Variants in PRMT7 observed in about 807,000 individuals in gnomAD.
PRMT7 encodes the protein protein arginine methyltransferase 7, also known as protein arginine N-methyltransferase 7.
In PRMT7, 75 loss-of-function variants were observed where a neutral mutation model predicts 85.4. The ratio of observed to expected loss-of-function variants is 0.88; its 90% confidence interval spans 0.73 to 1.06. The LOEUF (loss-of-function observed/expected upper bound fraction) is 1.06. Ranked by LOEUF, PRMT7 falls within the 50% of genes least tolerant of loss-of-function variation. The probability of loss-of-function intolerance (pLI) is 0.00; values close to 1 mark genes in which losing one functional copy is unlikely to be tolerated. For synonymous variants in PRMT7, 397 were observed against 359.5 expected, an observed-to-expected ratio of 1.10 and a Z score of -1.18; for missense variants, 868 against 915.2, an observed-to-expected ratio of 0.95 and a Z score of 0.67.
At chr16:68,347,070 G>A (rs746937373) in intron 11 of PRMT7, 141 bp from the exon 12 acceptor site, 1 of 683,798 alleles carries the variant, frequency 1.5e-6, no homozygotes, top group Non-Finnish European at 2.5e-6. Flanking sequence ...GGCTGGGGGT[G>A]GTTACTGCAT....
At chr16:68,322,302 C>T (rs1355432476) in intron 4 of PRMT7, 6 of 378,302 alleles carry the variant, frequency 1.6e-5, no homozygotes, top group South Asian at 5.8e-5. Context: ...TGGGCTTAAG[C>T]GATCCCCCAA....
chr16:68,314,948 A>C (rs1045982428), intron 2 of PRMT7, among the ~76,000 whole-genome samples: 9 of 152,152 alleles, frequency 5.9e-5, no homozygotes, highest in South Asian at 4.1e-4. Flanking sequence ...TGAATAGATA[A>C]GAAGTAATCA....
At chr16:68,335,543 C>A (rs1036873926) in intron 6 of PRMT7, among the ~76,000 whole-genome samples, 2 of 150,954 alleles carry the variant, frequency 1.3e-5, no homozygotes, top group African/African-American at 2.4e-5. Context: ...AGCTCCTCCA[C>A]GTGATACTGT....
chr16:68,356,888 TTC>T, intron 18 of PRMT7, 91 bp downstream of exon 18: 1 of 1,414,562 alleles, frequency 7.1e-7, no homozygotes, highest in Non-Finnish European at 9.7e-7. Context: ...CTCTGGGTGT[TTC>T]TGTCACAAGT....
chr16:68,356,728 A>G lies in PRMT7; in HGVS notation c.1839A>G (p.Leu613=), dbSNP rs1256959971. ...RRPGQSHAAV[L]WMEYHLTPEC... ...CCGGGCAGAGCCACGCAGCGGTGCT[A>G]TGGATGGAGTACCACCTGACCCCGG... Residue 613 remains leucine (L), a synonymous_variant, in exon 18 of 19, where the codon CTA becomes CTG. Coordinates refer to ENST00000441236, the MANE Select transcript of PRMT7 (RefSeq NM_019023.5). The G allele has an allele frequency of 5.6e-6, 9 of 1,611,746 alleles. No individual in the cohort carries two copies. The highest frequency in any genetic ancestry group is 2.7e-5 in the African/African-American group (2 of 74,864).
chr16:68,339,511 CA>C lies in PRMT7; in HGVS notation c.695del (p.Gln232ArgfsTer19). The C allele has an allele frequency of 6.2e-7, 1 of 1,614,158 alleles. No homozygotes were observed. Among genetic ancestry groups the C allele is most frequent in the Non-Finnish European group, 8.5e-7 (1 of 1,180,040 alleles). The part of the protein sequence containing the change: ...APSVCDIQLN[Q>X]VSPADFTVLS... ...CTCTGTCTGTGACATTCAGCTGAAC[CA>C]GGTGTCACCAGCCGACTTTACAGTC... On this transcript the variant is annotated frameshift_variant, in exon 8 of 19. Transcript: ENST00000441236. LOFTEE classifies it high-confidence loss of function.
chr16:68,341,655 C>T (rs187645111), intron 9 of PRMT7, among the ~76,000 whole-genome samples: 2 of 152,238 alleles, frequency 1.3e-5, no homozygotes, highest in Admixed American at 1.3e-4. Flanking sequence ...GTGACCTGCC[C>T]CACCGGCCTC....
At chr16:68,321,990 C>T (rs1211977542) in intron 4 of PRMT7, among the ~76,000 whole-genome samples, 2 of 151,438 alleles carry the variant, frequency 1.3e-5, no homozygotes, top group African/African-American at 4.9e-5. Context: ...CTCTGTCACT[C>T]AGGCTAGAGT....
chr16:68,328,209 C>A, intron 5 of PRMT7: 1 of 244,818 alleles, frequency 4.1e-6, no homozygotes, highest in Non-Finnish European at 9.0e-6. Flanking sequence ...CGCTCTCATG[C>A]ACTTTGATGT....
intron 5 of PRMT7, 145 bp from the exon 6 acceptor site, chr16:68,328,921 T>C: frequency 5.3e-6 from 3 of 567,014 alleles, no homozygotes; most frequent in Non-Finnish European, 9.4e-6. Flanking sequence ...ATCTCAGCCC[T>C]TTTTCATGAT....
At chr16:68,355,310 G>C (rs2088182606) in intron 16 of PRMT7, 1 of 156,598 alleles carries the variant, frequency 6.4e-6, no homozygotes, top group Non-Finnish European at 1.4e-5. Flanking sequence ...CTGGATGCAG[G>C]TGCCCCCAGC....
At chr16:68,332,909 A>G (rs960873490) in intron 6 of PRMT7, among the ~76,000 whole-genome samples, 1 of 152,268 alleles carries the variant, frequency 6.6e-6, no homozygotes, top group Admixed American at 6.5e-5. Flanking sequence ...CTTGTTTCAT[A>G]TATTTTGCCC....
rs1415613897 is a variant in PRMT7 at position 68,316,027 on chromosome 16, G to A, written c.48G>A (p.Glu16=). ...SRANPTTGSV[E]WLEEDEHYDY... is the part of the protein sequence containing the mutation. ...CCAATCCGACCACGGGGTCTGTGGA[G>A]TGGCTGGAGGAGGATGAACACTATG... Residue 16 remains glutamate, a synonymous_variant, in exon 3 of 19, where the codon GAG becomes GAA. Transcript: ENST00000441236. 6.2e-7 allele frequency: 1 copy of A among 1,613,760 alleles called. No individual in the cohort carries two copies. The highest frequency in any genetic ancestry group is 1.1e-5 in the South Asian group (1 of 90,888).
intron 9 of PRMT7, among the ~76,000 whole-genome samples, chr16:68,340,656 T>C (rs2085382825): frequency 6.6e-6 from 1 of 151,778 alleles, no homozygotes; most frequent in African/African-American, 2.4e-5. Flanking sequence ...GAATAAAGTT[T>C]AAACAGTTTG....
At chr16:68,341,973 G>A (rs1368447042) in intron 9 of PRMT7, among the ~76,000 whole-genome samples, 3 of 152,044 alleles carry the variant, frequency 2.0e-5, no homozygotes, top group African/African-American at 7.2e-5. Flanking sequence ...GGGGAAGGAC[G>A]GTTATCATTT....
intron 7 of PRMT7, among the ~76,000 whole-genome samples, chr16:68,339,119 G>A (rs76799942): frequency 9.2e-5 from 14 of 152,312 alleles, no homozygotes; most frequent in African/African-American, 3.4e-4. Context: ...GGCACAGTGT[G>A]TGTTCTTTTT....
chr16:68,351,846 T>G, intron 14 of PRMT7: 1 of 161,008 alleles, frequency 6.2e-6, no homozygotes, highest in Non-Finnish European at 1.4e-5. Context: ...CCAGTGGGGG[T>G]TGACAGGATG....
chr16:68,358,467 A>G lies in PRMT7; in HGVS notation c.*1243A>G, dbSNP rs971501896. ...TTCTAGGGAAGAACCGTCTGGATAT[A>G]TATTTGATAATGTTTTTACCAAAAC... On this transcript the variant is annotated 3_prime_UTR_variant, in exon 19 of 19. Transcript: ENST00000441236. 1.3e-5 allele frequency: 2 copies of G among 152,702 alleles called. No homozygotes were observed. The highest frequency in any genetic ancestry group is 2.9e-5 in the Non-Finnish European group (2 of 68,042). 9.5% of individuals were successfully genotyped at this position (152,702 alleles called of 1,614,324 possible).
chr16:68,330,990 A>G (rs1241375471), intron 6 of PRMT7, among the ~76,000 whole-genome samples: 1 of 152,188 alleles, frequency 6.6e-6, no homozygotes, highest in Non-Finnish European at 1.5e-5. Flanking sequence ...ATGAATATCC[A>G]TTTTCATTAT....
Sources: allele counts gnomAD v4.1 joint callset (sites outside exome capture counted in the v4.1 genomes callset), GRCh38; gene constraint gnomAD v4.1.1; transcripts MANE v1.5; gene names NCBI Gene and HGNC (gene_info 2026-07-23, HGNC 2026-07-21).